Variants in ASIC2 observed in about 807,000 individuals in gnomAD.
ASIC2 encodes acid sensing ion channel subunit 2.
In ASIC2, 25 loss-of-function variants were observed where a neutral mutation model predicts 57.3. The ratio of observed to expected loss-of-function variants is 0.44; its 90% confidence interval spans 0.32 to 0.61. The LOEUF (loss-of-function observed/expected upper bound fraction) is 0.61. Among genes scored for constraint, ASIC2 ranks in the 20% least tolerant of loss-of-function variants. ASIC2 has a pLI of 0.06. For missense variants in ASIC2, 641 were observed against 738.1 expected, an observed-to-expected ratio of 0.87 and a Z score of 1.52; for synonymous variants, 319 against 307.5, an observed-to-expected ratio of 1.04 and a Z score of -0.39.
chr17:33,240,202 C>T (rs1038905162), intron 1 of ASIC2, among the ~76,000 whole-genome samples: 1 of 152,212 alleles, frequency 6.6e-6, no homozygotes, highest in African/African-American at 2.4e-5. Context: ...GTGAGGGATG[C>T]TCCCAAGTTG....
intron 1 of ASIC2, among the ~76,000 whole-genome samples, chr17:33,883,584 G>C (rs865780059): frequency 1.3e-5 from 2 of 152,106 alleles, no homozygotes; most frequent in African/African-American, 2.4e-5. Context: ...CTCCAAATCT[G>C]TTCTAGCCCC....
At chr17:33,252,170 T>G (rs78249702) in intron 1 of ASIC2, among the ~76,000 whole-genome samples, 8,229 of 152,258 alleles carry the variant, frequency 0.054, 252 homozygotes, top group African/African-American at 0.072. Context: ...AGATAGTTCA[T>G]GTCCCACCCT....
At chr17:33,743,040 C>G (rs764924558) in intron 1 of ASIC2, among the ~76,000 whole-genome samples, 2 of 152,206 alleles carry the variant, frequency 1.3e-5, no homozygotes, top group African/African-American at 4.8e-5. Context: ...GCCTCCTCTA[C>G]CCTTTATCTT....
chr17:33,533,896 C>T (rs1421764697), intron 1 of ASIC2: 1 of 152,200 alleles, frequency 6.6e-6, no homozygotes, highest in South Asian at 2.1e-4. Context: ...CACAAAAACT[C>T]TCTGCACCTC....
chr17:33,291,783 C>T lies in ASIC2; in HGVS notation c.333G>A (p.Trp111Ter). The part of the protein sequence containing the change: ...LSWSSNRLLY[W>*]LSFPSHTRVH... ...CCCGCGTGTGTGACGGGAAGCTGAGCCAGTAGAGCAAGCGGTTCGAGGACC... is the reference window on the plus strand; with the variant it reads ...CCCGCGTGTGTGACGGGAAGCTGAGTCAGTAGAGCAAGCGGTTCGAGGACC... The change falls in exon 1 of 10, where the codon TGG becomes TGA. Residue 111 changes from tryptophan (W) to a stop codon, truncating the protein, a stop_gained. Coordinates refer to ENST00000225823, the MANE Select transcript of ASIC2 (RefSeq NM_183377.2). LOFTEE classifies it high-confidence loss of function. 6.2e-7 allele frequency: 1 copy of T among 1,613,758 alleles called. No individual in the cohort carries two copies. Among genetic ancestry groups the T allele is most frequent in the Non-Finnish European group, 8.5e-7 (1 of 1,179,888 alleles).
At position 33,495,678 on chromosome 17, in the gene ASIC2, G is replaced by A. The variant is rs182974756; in HGVS notation, c.556-383611C>T. ...GGCACCTAATGGTGCCAAAGGCCAGGCCCCCCACCCTCCTGAAGCTAACAG... is the reference window on the plus strand; with the variant it reads ...GGCACCTAATGGTGCCAAAGGCCAGACCCCCCACCCTCCTGAAGCTAACAG... On this transcript the variant is annotated intron_variant, in intron 1 of 9. Transcript: ENST00000359872. Among the ~76,000 whole-genome samples the A allele has an allele frequency of 4.6e-5, 7 of 152,228 alleles. No homozygotes were observed. In the East Asian group the frequency reaches 1.4e-3, roughly 29 times the overall value.
chr17:33,374,135 ACAGGTGCG>A (rs1278284427), intron 1 of ASIC2, among the ~76,000 whole-genome samples: 1 of 151,922 alleles, frequency 6.6e-6, no homozygotes, highest in African/African-American at 2.4e-5. Context: ...AGTTGGGATT[ACAGGTGCG>A]CACCACCCAA....
intron 1 of ASIC2, among the ~76,000 whole-genome samples, chr17:33,894,096 T>C (rs1915029171): frequency 6.6e-6 from 1 of 152,244 alleles, no homozygotes; most frequent in African/African-American, 2.4e-5. Flanking sequence ...GCTACTTTTA[T>C]TTTTGCTGGG....
intron 3 of ASIC2, among the ~76,000 whole-genome samples, chr17:33,037,177 A>G (rs2091912368): frequency 6.6e-6 from 1 of 150,930 alleles, no homozygotes; most frequent in Admixed American, 6.6e-5. Flanking sequence ...ACATTGCTCA[A>G]TATTGGATCC....
chr17:33,453,965 A>C (rs191501185), intron 1 of ASIC2, among the ~76,000 whole-genome samples: 1 of 152,310 alleles, frequency 6.6e-6, no homozygotes, highest in East Asian at 1.9e-4. Flanking sequence ...TCAATAGGTC[A>C]TTCCTTTTAT....
chr17:33,718,914 G>A (rs1909303687), intron 1 of ASIC2, among the ~76,000 whole-genome samples: 1 of 152,208 alleles, frequency 6.6e-6, no homozygotes, highest in Admixed American at 6.5e-5. Flanking sequence ...GCAGCCCATA[G>A]CTTCCATTAC....
intron 1 of ASIC2, among the ~76,000 whole-genome samples, chr17:33,659,086 C>T (rs776891730): frequency 1.4e-4 from 22 of 152,194 alleles, no homozygotes; most frequent in Admixed American, 5.9e-4. Context: ...ACGTGAATTT[C>T]GGAGGAACGC....
At chr17:33,328,310 A>C (rs529431400) in intron 1 of ASIC2, among the ~76,000 whole-genome samples, 119 of 152,286 alleles carry the variant, frequency 7.8e-4, no homozygotes, top group South Asian at 6.0e-3. Flanking sequence ...ACCGGGGAGA[A>C]TGGAGGGTGC....
At chr17:33,147,950 A>G (rs991711733) in intron 1 of ASIC2, among the ~76,000 whole-genome samples, 7 of 152,172 alleles carry the variant, frequency 4.6e-5, no homozygotes, top group Non-Finnish European at 1.0e-4. Context: ...ATCCTGCAAT[A>G]TCCAAGCAGG....
intron 1 of ASIC2, among the ~76,000 whole-genome samples, chr17:33,845,067 A>G (rs1402552156): frequency 6.6e-6 from 1 of 152,228 alleles, no homozygotes; most frequent in Non-Finnish European, 1.5e-5. Context: ...TTATGGGGGA[A>G]GCTAGGTTCA....
intron 1 of ASIC2, among the ~76,000 whole-genome samples, chr17:33,753,337 G>T (rs1243645751): frequency 6.6e-6 from 1 of 152,110 alleles, no homozygotes; most frequent in South Asian, 2.1e-4. Context: ...AAGCTTGGGG[G>T]TGGGAGTCTT....
At chr17:33,965,009 C>T (rs1231878334) in intron 1 of ASIC2, among the ~76,000 whole-genome samples, 3 of 152,134 alleles carry the variant, frequency 2.0e-5, no homozygotes, top group Admixed American at 2.0e-4. Flanking sequence ...GTTAGGGGAA[C>T]AGGGAGTTCC....
chr17:33,201,942 G>A (rs1223750007), intron 1 of ASIC2, among the ~76,000 whole-genome samples: 3 of 148,796 alleles, frequency 2.0e-5, no homozygotes, highest in Admixed American at 6.8e-5. Flanking sequence ...TGAGCTGGGA[G>A]GATTGCTGGA....
chr17:33,927,194 G>T (rs1352686628), intron 1 of ASIC2, among the ~76,000 whole-genome samples: 1 of 152,122 alleles, frequency 6.6e-6, no homozygotes, highest in Non-Finnish European at 1.5e-5. Flanking sequence ...CTCCCAAACT[G>T]CTGTGATTAC....
Sources: gnomAD v4.1 joint callset for allele counts (sites outside exome capture counted in the v4.1 genomes callset) on GRCh38, gnomAD v4.1.1 for gene constraint, MANE v1.5 for transcripts, NCBI Gene and HGNC (gene_info 2026-07-23, HGNC 2026-07-21) for gene names.